The following INO80 variants were observed in gnomAD, a reference collection of about 807,000 sequenced individuals.
INO80 encodes INO80 complex ATPase subunit, also known as chromatin-remodeling ATPase INO80.
A neutral mutation model predicts 203.4 loss-of-function variants in INO80; 20 were observed. That is an observed-to-expected ratio of 0.10 (90% CI 0.07 to 0.14). INO80 has a LOEUF of 0.14. Ranked by LOEUF, INO80 falls within the 10% of genes least tolerant of loss-of-function variation. The pLI is 1.00. For synonymous variants in INO80, 726 were observed against 685.2 expected (o/e 1.06, Z -0.93); for missense variants, 1,419 against 1,914.4 (o/e 0.74, Z 4.83).
intron 24 of INO80, among the ~76,000 whole-genome samples, chr15:41,042,852 T>C (rs1052228632): frequency 3.9e-5 from 6 of 152,180 alleles, no homozygotes; most frequent in African/African-American, 1.2e-4. Flanking sequence ...TATACATACA[T>C]ATGTTGGAGA....
At chr15:40,995,633 T>A (rs978391038) in intron 29 of INO80, among the ~76,000 whole-genome samples, 2 of 152,194 alleles carry the variant, frequency 1.3e-5, no homozygotes. Flanking sequence ...TCAACAGGTA[T>A]GAAGCCGGGA....
At chr15:41,006,765 CAT>C (rs2044046559) in intron 27 of INO80, among the ~76,000 whole-genome samples, 1 of 152,150 alleles carries the variant, frequency 6.6e-6, no homozygotes, top group African/African-American at 2.4e-5. Flanking sequence ...AGCTCATTGA[CAT>C]ATGCATCTTC....
intron 28 of INO80, among the ~76,000 whole-genome samples, chr15:40,997,989 G>A (rs1315414633): frequency 6.6e-6 from 1 of 150,804 alleles, no homozygotes; most frequent in African/African-American, 2.4e-5. Context: ...AATAGTCTGG[G>A]GACTAATGTT....
intron 34 of INO80, chr15:40,983,323 A>C: frequency 2.0e-6 from 1 of 498,520 alleles, no homozygotes; most frequent in Non-Finnish European, 3.6e-6. Flanking sequence ...CAGTTACATT[A>C]CTCCTGAGTT....
rs372003244 is a variant in INO80, at chr15:41,096,190, T to C, written c.121A>G (p.Ile41Val). The change falls in exon 2 of 36, where the codon ATC (isoleucine) becomes GTC (valine). Residue 41 changes from isoleucine (I) to valine (V), a missense_variant. Transcript: ENST00000648947. ...TACCTAGAAATATTCCTATTGAAGATAGCTGACGTTTGTCGCAGAAAATGG... is the reference window on the plus strand; with the variant it reads ...TACCTAGAAATATTCCTATTGAAGACAGCTGACGTTTGTCGCAGAAAATGG... ...LDHFLRQTSA[I>V]FNRNISSDDS... 2.5e-5 allele frequency: 41 copies of C among 1,609,924 alleles called. No individual in the cohort carries two copies. Among genetic ancestry groups the C allele is most frequent in the Non-Finnish European group, 3.0e-5 (35 of 1,179,056 alleles).
intron 26 of INO80, chr15:41,017,635 A>G (rs998538214): frequency 6.6e-6 from 1 of 152,270 alleles, no homozygotes; most frequent in Admixed American, 6.5e-5. Context: ...TGACAGCACC[A>G]TAACAAATCA....
chr15:40,985,199 C>A (rs1893974311), intron 32 of INO80, 139 bp downstream of exon 32: 2 of 654,438 alleles, frequency 3.1e-6, no homozygotes, highest in South Asian at 1.8e-5. Context: ...GTGAGTCAGC[C>A]CAGAAATGTA....
chr15:41,041,618 T>G (rs1962410), intron 24 of INO80, among the ~76,000 whole-genome samples: 3 of 151,214 alleles, frequency 2.0e-5, no homozygotes, highest in African/African-American at 7.3e-5. Context: ...TTTTTGTATT[T>G]TTTTAGTAGA....
chr15:41,038,966 A>G (rs2044625437), intron 24 of INO80, among the ~76,000 whole-genome samples: 1 of 152,242 alleles, frequency 6.6e-6, no homozygotes, highest in South Asian at 2.1e-4. Flanking sequence ...TCTGTTGAAG[A>G]AAGTAAGACA....
intron 35 of INO80, among the ~76,000 whole-genome samples, chr15:40,981,152 G>A (rs1434055962): frequency 2.0e-5 from 3 of 152,186 alleles, no homozygotes; most frequent in Non-Finnish European, 2.9e-5. Context: ...AGTGCTTGAT[G>A]GGCAGACATG....
chr15:41,052,587 T>C (rs1292534266), intron 19 of INO80, among the ~76,000 whole-genome samples: 13 of 148,078 alleles, frequency 8.8e-5, no homozygotes. Context: ...GTGGGAGGAC[T>C]GCTTGAGCCA....
At chr15:41,019,110 C>A (rs147812121) in intron 26 of INO80, among the ~76,000 whole-genome samples, 3 of 152,244 alleles carry the variant, frequency 2.0e-5, no homozygotes, top group African/African-American at 7.2e-5. Context: ...TAAATAATAT[C>A]TCATTTTTCC....
chr15:41,068,227 G>C (rs151093207), intron 14 of INO80, among the ~76,000 whole-genome samples: 21 of 152,128 alleles, frequency 1.4e-4, no homozygotes, highest in African/African-American at 5.1e-4. Flanking sequence ...TTCAAGACCA[G>C]CCTGGGCAAC....
intron 1 of INO80, among the ~76,000 whole-genome samples, chr15:41,105,022 A>G (rs950705691): frequency 8.5e-5 from 13 of 152,234 alleles, no homozygotes; most frequent in African/African-American, 3.1e-4. Context: ...ATCAAAGTTC[A>G]GGTAATTCAT....
intron 32 of INO80, 29 bp from the exon 33 acceptor site, chr15:40,984,381 C>G (rs370538646): frequency 6.2e-7 from 1 of 1,604,312 alleles, no homozygotes; most frequent in Admixed American, 1.7e-5. Context: ...ATATGGAAAA[C>G]GTGTGAGGAT....
At chr15:41,058,616 T>C (rs1243367261) in intron 16 of INO80, 23 bp downstream of exon 16, 4 of 1,607,782 alleles carry the variant, frequency 2.5e-6, no homozygotes, top group Non-Finnish European at 3.4e-6. Flanking sequence ...TGCATTGAGT[T>C]TGGTTTCTAC....
chr15:41,092,211 T>G (rs770266040), intron 4 of INO80, 29 bp from the exon 5 acceptor site: 29 of 1,553,374 alleles, frequency 1.9e-5, no homozygotes, highest in Non-Finnish European at 2.3e-5. Context: ...GAAATGTATC[T>G]TTTGCTGTGA....
intron 31 of INO80, among the ~76,000 whole-genome samples, chr15:40,986,482 G>A (rs942754377): frequency 2.0e-5 from 3 of 151,524 alleles, no homozygotes; most frequent in Admixed American, 6.6e-5. Context: ...CCACCACCAC[G>A]CCCGACTAAT....
chr15:41,037,919 G>A (rs926022942), intron 24 of INO80, among the ~76,000 whole-genome samples: 33 of 151,878 alleles, frequency 2.2e-4, no homozygotes, highest in Admixed American at 5.2e-4. Flanking sequence ...CTTTAGCCTG[G>A]GCGACAGAGT....
Sources: allele counts gnomAD v4.1 joint callset (sites outside exome capture counted in the v4.1 genomes callset), GRCh38; gene constraint gnomAD v4.1.1; transcripts MANE v1.5; gene names NCBI Gene and HGNC (gene_info 2026-07-23, HGNC 2026-07-21).